DTWD2: variants seen among roughly 807,000 people sequenced by gnomAD.
DTWD2 encodes the protein DTW motif tRNA-uridine aminocarboxypropyltransferase 2, also known as tRNA-uridine aminocarboxypropyltransferase 2.
DTWD2 carries 39 observed loss-of-function variants against 31.8 expected under a neutral mutation model. The ratio of observed to expected loss-of-function variants is 1.22; its 90% CI spans 0.95 to 1.60. The LOEUF is 1.60. DTWD2 is among the 40% of genes most tolerant of loss of function. The probability of loss-of-function intolerance (pLI) is 0.00; values close to 1 mark genes in which losing one functional copy is unlikely to be tolerated. For synonymous variants in DTWD2, 180 were observed against 142.8 expected, an observed-to-expected ratio of 1.26 and a Z score of -1.86; for missense variants, 515 against 381.5, an observed-to-expected ratio of 1.35 and a Z score of -2.92.
At chr5:118,880,023 G>A (rs1752706134) in intron 4 of DTWD2, among the ~76,000 whole-genome samples, 2 of 152,074 alleles carry the variant, frequency 1.3e-5, no homozygotes. Flanking sequence ...ATACAAAAGT[G>A]GTATGCCTCT....
intron 1 of DTWD2, among the ~76,000 whole-genome samples, chr5:118,972,167 A>G (rs1289293624): frequency 6.6e-6 from 1 of 152,198 alleles, no homozygotes; most frequent in African/African-American, 2.4e-5. Context: ...CCTTCAAAAA[A>G]TCAACAAATC....
chr5:118,972,612 C>T (rs1755013181), intron 1 of DTWD2, among the ~76,000 whole-genome samples: 1 of 152,162 alleles, frequency 6.6e-6, no homozygotes, highest in Non-Finnish European at 1.5e-5. Flanking sequence ...GAACTCCTCC[C>T]AAACTCATTT....
intron 1 of DTWD2, among the ~76,000 whole-genome samples, chr5:118,980,930 CA>C (rs1472318570): frequency 1.3e-5 from 2 of 152,088 alleles, no homozygotes; most frequent in Non-Finnish European, 2.9e-5. Context: ...TGACAATAGC[CA>C]AAATGTAAAA....
intron 1 of DTWD2, among the ~76,000 whole-genome samples, chr5:118,984,041 C>T (rs184453353): frequency 1.1e-3 from 163 of 152,292 alleles, no homozygotes; most frequent in Admixed American, 2.4e-3. Flanking sequence ...AATCCCAGCA[C>T]TTTGGGAGGC....
chr5:118,900,111 C>T (rs1382346916), intron 4 of DTWD2, among the ~76,000 whole-genome samples: 2 of 151,906 alleles, frequency 1.3e-5, no homozygotes, highest in African/African-American at 2.4e-5. Flanking sequence ...ACGGCCAAGT[C>T]ATACTTCTTT....
intron 1 of DTWD2, among the ~76,000 whole-genome samples, chr5:118,948,284 G>A (rs1412295791): frequency 1.3e-5 from 2 of 151,954 alleles, no homozygotes; most frequent in Admixed American, 6.6e-5. Context: ...GACCTTCCTG[G>A]CTAACACGGT....
chr5:118,885,931 C>A (rs1204976239), intron 4 of DTWD2, among the ~76,000 whole-genome samples: 1 of 152,054 alleles, frequency 6.6e-6, no homozygotes, highest in Non-Finnish European at 1.5e-5. Flanking sequence ...CACCACTACA[C>A]CCCAGCCTAG....
At chr5:118,980,396 G>C (rs1332807166) in intron 1 of DTWD2, among the ~76,000 whole-genome samples, 1 of 152,206 alleles carries the variant, frequency 6.6e-6, no homozygotes, top group African/African-American at 2.4e-5. Context: ...GTTGTGCCTT[G>C]AGTAATAAAG....
rs192739817 is a variant in DTWD2 at position 118,977,986 on chromosome 5, T to C, written c.218+10308A>G. On this transcript the variant is annotated intron_variant, in intron 1 of 5. Transcript: ENST00000510708. ...GGCTACAGTAATTAAAACAGCCTGG[T>C]ACTGGTACAAAACCAGACACATAGA... Among the ~76,000 whole-genome samples, 31 of 152,316 alleles carry C rather than the reference T, an allele frequency of 2.0e-4. No individual in the cohort carries two copies. The East Asian group carries it at 6.0e-3, about 29-fold the overall frequency.
chr5:118,914,242 GATT>G (rs1223898251), intron 4 of DTWD2, among the ~76,000 whole-genome samples: 2 of 152,150 alleles, frequency 1.3e-5, no homozygotes, highest in Non-Finnish European at 2.9e-5. Context: ...CTCATGAATA[GATT>G]AATACCATCA....
At chr5:118,984,729 T>C (rs756771380) in intron 1 of DTWD2, among the ~76,000 whole-genome samples, 3 of 152,190 alleles carry the variant, frequency 2.0e-5, no homozygotes, top group Non-Finnish European at 4.4e-5. Context: ...CTTAAACAGG[T>C]TTTAAAACAT....
At chr5:118,913,596 G>A (rs1004849393) in intron 4 of DTWD2, among the ~76,000 whole-genome samples, 1 of 151,756 alleles carries the variant, frequency 6.6e-6, no homozygotes, top group African/African-American at 2.4e-5. Context: ...TTAAGTATAT[G>A]AGAGTTCAAG....
chr5:118,948,536 A>C (rs990187726), intron 1 of DTWD2, among the ~76,000 whole-genome samples: 3 of 152,134 alleles, frequency 2.0e-5, no homozygotes, highest in African/African-American at 7.2e-5. Context: ...GAAAAAATGA[A>C]ATATGGGGAA....
chr5:118,868,363 C>G (rs1752426632), intron 4 of DTWD2, among the ~76,000 whole-genome samples: 1 of 152,094 alleles, frequency 6.6e-6, no homozygotes, highest in Non-Finnish European at 1.5e-5. Flanking sequence ...GGATTGCTTT[C>G]TTGGATATGA....
chr5:118,982,940 C>G (rs1755338735), intron 1 of DTWD2, among the ~76,000 whole-genome samples: 1 of 152,142 alleles, frequency 6.6e-6, no homozygotes, highest in African/African-American at 2.4e-5. Flanking sequence ...CCATCCGCCT[C>G]AGCCTCCCAA....
chr5:118,862,979 G>A (rs983756387), intron 4 of DTWD2, among the ~76,000 whole-genome samples: 8 of 152,264 alleles, frequency 5.3e-5, no homozygotes, highest in South Asian at 4.2e-4. Flanking sequence ...ATTCTCATGT[G>A]AAAAGCTGAT....
At position 118,973,715 on chromosome 5, in the gene DTWD2, C is replaced by T; in HGVS notation, c.218+14579G>A. 4.5e-6 allele frequency: 7 copies of T among 1,554,588 alleles called. No homozygotes were observed. The South Asian group carries it at 6.7e-5, about 15-fold the overall frequency. On this transcript the variant is annotated intron_variant, in intron 1 of 5. Coordinates refer to ENST00000510708, the MANE Select transcript of DTWD2 (RefSeq NM_173666.4). ...CACGCGCCTCCTCCGCCGCCGCGGA[C>T]TCCGGCAGCTTTATCGCCAGAGTCC...
chr5:118,922,707 T>G (rs949403688), intron 4 of DTWD2, among the ~76,000 whole-genome samples: 1 of 152,190 alleles, frequency 6.6e-6, no homozygotes, highest in Non-Finnish European at 1.5e-5. Context: ...ATAAACTATA[T>G]ACAGTAGACT....
At chr5:118,857,931 G>A (rs1752176251) in intron 4 of DTWD2, among the ~76,000 whole-genome samples, 1 of 152,116 alleles carries the variant, frequency 6.6e-6, no homozygotes, top group African/African-American at 2.4e-5. Context: ...AAGCGACTAC[G>A]CCTGGGATAG....
Sources: gnomAD v4.1 joint callset for allele counts (sites outside exome capture counted in the v4.1 genomes callset) on GRCh38, gnomAD v4.1.1 for gene constraint, MANE v1.5 for transcripts, NCBI Gene and HGNC (gene_info 2026-07-23, HGNC 2026-07-21) for gene names.